The following ZNF730 variants were observed in gnomAD, a reference collection of about 807,000 sequenced individuals.
The protein encoded by ZNF730 is zinc finger protein 730, also known as putative zinc finger protein 730.
Under a neutral mutation model 12.6 loss-of-function variants are expected in ZNF730, and 12 were observed. The observed-to-expected ratio is 0.95, with a 90% CI of 0.61 to 1.54. ZNF730 has a LOEUF of 1.54. Ranked by LOEUF, ZNF730 falls within the 40% of genes most tolerant of loss-of-function variation. ZNF730 has a pLI of 0.00. For synonymous variants in ZNF730, 194 were observed against 195.8 expected (o/e 0.99, Z 0.08); for missense variants, 643 against 583.5 (o/e 1.10, Z -1.05).
chr19:23,121,857 T>C (rs548292923), intron 1 of ZNF730, among the ~76,000 whole-genome samples: 1 of 152,338 alleles, frequency 6.6e-6, no homozygotes, highest in South Asian at 2.1e-4. Context: ...GATAAGAGGC[T>C]TTATTCTCTT....
At chr19:23,077,059 G>C (rs954302333) in intron 1 of ZNF730, among the ~76,000 whole-genome samples, 2 of 152,096 alleles carry the variant, frequency 1.3e-5, no homozygotes, top group Non-Finnish European at 2.9e-5. Context: ...GCTGTAGGCT[G>C]TTATCCTTAG....
intron 1 of ZNF730, among the ~76,000 whole-genome samples, chr19:23,131,549 C>T (rs889919529): frequency 6.6e-6 from 1 of 152,092 alleles, no homozygotes; most frequent in South Asian, 2.1e-4. Context: ...TTTAAAAAAG[C>T]CAGCAAAGAT....
chr19:23,078,712 C>T (rs538671097), intron 1 of ZNF730, among the ~76,000 whole-genome samples: 4 of 152,186 alleles, frequency 2.6e-5, no homozygotes, highest in Non-Finnish European at 4.4e-5. Context: ...CTCAGTCTCT[C>T]GTCCCACCCG....
At chr19:23,089,335 G>A (rs1354251750) in intron 1 of ZNF730, among the ~76,000 whole-genome samples, 2 of 152,038 alleles carry the variant, frequency 1.3e-5, no homozygotes, top group Non-Finnish European at 2.9e-5. Context: ...GTCCCAAGTA[G>A]CTGGGACTAC....
chr19:23,085,836 CTTTTTTT>C (rs556123915), intron 1 of ZNF730, among the ~76,000 whole-genome samples: 1,252 of 54,720 alleles, frequency 0.023, 8 homozygotes, highest in African/African-American at 0.079. Flanking sequence ...ATTTTTTTTT[CTTTTTTT>C]TTTTTTTTTT....
At chr19:23,121,762 A>G (rs994074806) in intron 1 of ZNF730, among the ~76,000 whole-genome samples, 1 of 152,228 alleles carries the variant, frequency 6.6e-6, no homozygotes, top group East Asian at 1.9e-4. Flanking sequence ...AGATGTCTGC[A>G]TCCAGTGTCT....
chr19:23,114,463 C>T (rs1217999471), upstream of ZNF730, among the ~76,000 whole-genome samples: 3 of 149,640 alleles, frequency 2.0e-5, no homozygotes, highest in African/African-American at 7.3e-5. Context: ...CCCGCCATCA[C>T]ACCCGGCTAA....
chr19:23,140,480 G>A (rs370323558), intron 3 of ZNF730, among the ~76,000 whole-genome samples: 8 of 151,312 alleles, frequency 5.3e-5, no homozygotes, highest in Non-Finnish European at 8.8e-5. Flanking sequence ...GTGTAGTGGC[G>A]TGCACCTGTA....
chr19:23,146,500 G>A lies in ZNF730; in HGVS notation c.1456G>A (p.Gly486Ser). 6.3e-7 allele frequency: 1 copy of A among 1,597,046 alleles called. No homozygotes were observed. Among genetic ancestry groups the A allele is most frequent in the Non-Finnish European group, 8.5e-7 (1 of 1,173,366 alleles). The change falls in exon 4 of 4, where the codon GGT becomes AGT. Residue 486 changes from glycine to serine, a missense_variant. Gly to Ser is a moderately conservative substitution (Grantham distance 56). Transcript: ENST00000597761. The part of the protein sequence containing the change: ...GEKIYKCKEC[G>S]KAFRRFSHLT... Reference sequence around the variant, plus strand: ...AAAAATCTACAAATGTAAAGAATGTGGTAAAGCCTTTAGGCGGTTCTCACA... The same window carrying A: ...AAAAATCTACAAATGTAAAGAATGTAGTAAAGCCTTTAGGCGGTTCTCACA...
At chr19:23,082,705 T>C (rs1381394648) in intron 1 of ZNF730, among the ~76,000 whole-genome samples, 1 of 151,980 alleles carries the variant, frequency 6.6e-6, no homozygotes, top group African/African-American at 2.4e-5. Context: ...ATTTTCTTTT[T>C]TCATTTTTTT....
In ZNF730 at chr19:23,146,045, A is replaced by C. The variant is rs747764540; in HGVS notation, c.1001A>C (p.His334Pro). 1.2e-6 allele frequency: 2 copies of C among 1,611,480 alleles called. No individual in the cohort carries two copies. The highest frequency in any genetic ancestry group is 3.3e-5 in the Admixed American group (2 of 59,734). ...SSTLTKHKRIHNGEKPYKCEE... is the reference protein window; with the variant it reads ...SSTLTKHKRIPNGEKPYKCEE... ...ACCCTTACAAAACATAAAAGAATTC[A>C]TAATGGAGAAAAACCCTACAAATGT... The change falls in exon 4 of 4, where the codon CAT (histidine) becomes CCT (proline). Residue 334 changes from histidine (H) to proline (P), a missense_variant. Physicochemically the swap from His to Pro is moderately conservative, Grantham distance 77. Coordinates refer to ENST00000597761, the MANE Select transcript of ZNF730 (RefSeq NM_001277403.2).
At chr19:23,138,993 A>G (rs1970875331) in intron 3 of ZNF730, among the ~76,000 whole-genome samples, 3 of 151,732 alleles carry the variant, frequency 2.0e-5, no homozygotes, top group Non-Finnish European at 4.4e-5. Flanking sequence ...TTTACTTTCT[A>G]TTTCAATTTT....
intron 1 of ZNF730, among the ~76,000 whole-genome samples, chr19:23,104,105 A>AG (rs1462052082): frequency 6.6e-6 from 1 of 152,056 alleles, no homozygotes; most frequent in East Asian, 1.9e-4. Context: ...GTTCAGATCG[A>AG]GACCATCCTG....
At chr19:23,140,173 T>C (rs1278531996) in intron 3 of ZNF730, among the ~76,000 whole-genome samples, 2 of 152,206 alleles carry the variant, frequency 1.3e-5, no homozygotes, top group Non-Finnish European at 1.5e-5. Flanking sequence ...TGGTGTTTTT[T>C]TCTTGTGTAA....
At chr19:23,090,803 C>G (rs1307944255) in intron 1 of ZNF730, among the ~76,000 whole-genome samples, 1 of 151,988 alleles carries the variant, frequency 6.6e-6, no homozygotes, top group Non-Finnish European at 1.5e-5. Context: ...TTGAGACCAG[C>G]CTGGCCAATA....
At chr19:23,108,782 C>G (rs2145566421) in intron 1 of ZNF730, among the ~76,000 whole-genome samples, 1 of 152,158 alleles carries the variant, frequency 6.6e-6, no homozygotes, top group African/African-American at 2.4e-5. Flanking sequence ...CAGAGTCTCA[C>G]TCTATTGCCC....
In ZNF730 at chr19:23,134,609, C is replaced by T. The variant is rs1970799808; in HGVS notation, c.130+403C>T. On this transcript the variant is annotated intron_variant, in intron 2 of 3. Transcript: ENST00000597761. ...CGTCCTGGAGGGTGGGGGGGGGGGT[C>T]AGCCCCCCGCCCGGCCAGCCGCCCC... Among the ~76,000 whole-genome samples, 2 of 110,154 alleles carry T rather than the reference C, an allele frequency of 1.8e-5. 1 individual carries two copies. Among genetic ancestry groups the T allele is most frequent in the South Asian group, 6.1e-4 (2 of 3,288 alleles). 72.3% of individuals were successfully genotyped at this position (110,154 alleles called of 152,430 possible). A position where few individuals can be genotyped will look rare whatever the true frequency, so the allele number is the denominator to read the frequency against.
At chr19:23,081,823 A>G (rs1969971220) in intron 1 of ZNF730, among the ~76,000 whole-genome samples, 1 of 152,172 alleles carries the variant, frequency 6.6e-6, no homozygotes, top group Admixed American at 6.6e-5. Context: ...CAGTGGAGCA[A>G]TGATAGCTCA....
chr19:23,089,354 G>A (rs537239962), intron 1 of ZNF730, among the ~76,000 whole-genome samples: 3 of 152,054 alleles, frequency 2.0e-5, no homozygotes, highest in Middle Eastern at 3.4e-3. Flanking sequence ...ACAGGTGGGC[G>A]CCTCCATGCC....
Sources: gnomAD v4.1 joint callset for allele counts (sites outside exome capture counted in the v4.1 genomes callset) on GRCh38, gnomAD v4.1.1 for gene constraint, MANE v1.5 for transcripts, NCBI Gene and HGNC (gene_info 2026-07-23, HGNC 2026-07-21) for gene names.